The following HECTD2 variants were observed in gnomAD, a reference collection of about 807,000 sequenced individuals.
The protein encoded by HECTD2 is HECT domain E3 ubiquitin protein ligase 2.
A neutral mutation model predicts 103.2 loss-of-function variants in HECTD2; 35 were observed. The observed-to-expected ratio is 0.34, with a 90% confidence interval of 0.26 to 0.45. The LOEUF is 0.45. Among genes scored for constraint, HECTD2 ranks in the 20% least tolerant of loss-of-function variants. The pLI is 1.00. For missense variants in HECTD2, 596 were observed against 937.4 expected, an observed-to-expected ratio of 0.64 and a Z score of 4.76; for synonymous variants, 281 against 329.9, an observed-to-expected ratio of 0.85 and a Z score of 1.61.
At chr10:91,457,059 T>C (rs1010078196) in intron 2 of HECTD2, among the ~76,000 whole-genome samples, 2 of 152,076 alleles carry the variant, frequency 1.3e-5, no homozygotes, top group African/African-American at 4.8e-5. Context: ...TCTACACACA[T>C]AAATTACAGA....
intron 1 of HECTD2, among the ~76,000 whole-genome samples, chr10:91,415,587 A>G (rs1159345132): frequency 6.6e-6 from 1 of 152,166 alleles, no homozygotes; most frequent in Non-Finnish European, 1.5e-5. Context: ...TAAGGAGTAA[A>G]ATGGCTAGTC....
chr10:91,492,104 A>G (rs961853211), intron 12 of HECTD2, among the ~76,000 whole-genome samples: 6 of 152,210 alleles, frequency 3.9e-5, no homozygotes, highest in African/African-American at 1.4e-4. Context: ...ATTTGAAGGC[A>G]GTAGATACCA....
chr10:91,470,843 C>T (rs916346497), intron 5 of HECTD2, among the ~76,000 whole-genome samples: 4 of 152,108 alleles, frequency 2.6e-5, no homozygotes, highest in African/African-American at 9.7e-5. Flanking sequence ...CGGCCGAATT[C>T]TACCAGATGT....
chr10:91,438,517 T>C (rs1220529923), intron 2 of HECTD2, among the ~76,000 whole-genome samples: 4 of 148,038 alleles, frequency 2.7e-5, no homozygotes, highest in Admixed American at 6.6e-5. Flanking sequence ...GTCTTTGCTA[T>C]TGCGAACAGT....
At chr10:91,414,799 G>A (rs1432999041) in intron 1 of HECTD2, among the ~76,000 whole-genome samples, 1 of 152,228 alleles carries the variant, frequency 6.6e-6, no homozygotes, top group East Asian at 1.9e-4. Flanking sequence ...AGCGAGCCCA[G>A]TGGAAGCATG....
At chr10:91,465,851 T>C (rs991419771) in intron 5 of HECTD2, among the ~76,000 whole-genome samples, 1 of 152,122 alleles carries the variant, frequency 6.6e-6, no homozygotes, top group South Asian at 2.1e-4. Flanking sequence ...TTGTTGAGGA[T>C]TTTTTTGCAT....
intron 15 of HECTD2, 71 bp from the exon 16 acceptor site, chr10:91,498,037 A>C: frequency 9.9e-7 from 1 of 1,011,452 alleles, no homozygotes; most frequent in Non-Finnish European, 1.6e-6. Flanking sequence ...CATGAGCTAT[A>C]GAAAAGCCAC....
At chr10:91,481,253 T>C (rs1018426423) in intron 7 of HECTD2, 114 bp downstream of exon 7, 5 of 486,890 alleles carry the variant, frequency 1.0e-5, no homozygotes, top group African/African-American at 1.0e-4. Flanking sequence ...ATTGATTCTT[T>C]TTAGAATTAT....
intron 1 of HECTD2, among the ~76,000 whole-genome samples, chr10:91,424,144 G>A (rs1843464719): frequency 6.6e-6 from 1 of 152,104 alleles, no homozygotes; most frequent in East Asian, 1.9e-4. Flanking sequence ...CTGGATGGTT[G>A]CCACAGTCGA....
intron 1 of HECTD2, among the ~76,000 whole-genome samples, chr10:91,411,244 G>C (rs1670306009): frequency 6.6e-6 from 1 of 152,130 alleles, no homozygotes; most frequent in South Asian, 2.1e-4. Flanking sequence ...TATTTGGAGA[G>C]CGCTGTCAGG....
intron 2 of HECTD2, among the ~76,000 whole-genome samples, chr10:91,434,817 A>G (rs1844047845): frequency 6.6e-6 from 1 of 152,026 alleles, no homozygotes; most frequent in Non-Finnish European, 1.5e-5. Context: ...ACAATCCTAG[A>G]AAATTTATTT....
intron 5 of HECTD2, among the ~76,000 whole-genome samples, chr10:91,469,703 G>T (rs923564883): frequency 6.6e-6 from 1 of 152,126 alleles, no homozygotes; most frequent in Non-Finnish European, 1.5e-5. Flanking sequence ...AATCAAGTCT[G>T]CATAATAACC....
At position 91,425,403 on chromosome 10, in the gene HECTD2, C is replaced by T; in HGVS notation, c.261C>T (p.Ile87=). The T allele has an allele frequency of 6.5e-7, 1 of 1,531,154 alleles. No homozygotes were observed. The highest frequency in any genetic ancestry group is 8.8e-7 in the Non-Finnish European group (1 of 1,136,648). The allele number at this position is 1,531,154 out of a possible 1,614,324, so 94.8% of individuals were successfully genotyped here. ...SSPAHLVFPN[I]KNVREPPPIC... ...CTGCACATCTTGTTTTCCCTAACAT[C>T]AAGAATGGTAAATAATTTTTAAATA... is the stretch of plus-strand genomic sequence containing the variant. Residue 87 remains isoleucine, a synonymous_variant, in exon 2 of 21, where the codon ATC becomes ATT. Transcript: ENST00000298068.
chr10:91,423,007 TG>T (rs931061558), intron 1 of HECTD2, among the ~76,000 whole-genome samples: 4 of 152,180 alleles, frequency 2.6e-5, no homozygotes, highest in African/African-American at 9.6e-5. Flanking sequence ...TTAGTTGTTC[TG>T]CTTATGTAAT....
intron 5 of HECTD2, among the ~76,000 whole-genome samples, chr10:91,473,211 A>G (rs1439946420): frequency 6.6e-6 from 1 of 152,232 alleles, no homozygotes; most frequent in Non-Finnish European, 1.5e-5. Flanking sequence ...CTTATAAGTA[A>G]TCAAAGGGAA....
intron 20 of HECTD2, among the ~76,000 whole-genome samples, chr10:91,502,533 T>TAA (rs901045145): frequency 6.6e-6 from 1 of 152,196 alleles, no homozygotes; most frequent in Non-Finnish European, 1.5e-5. Flanking sequence ...TCACACATGG[T>TAA]AAGTGCCCAA....
At chr10:91,511,229 G>GGAAA (rs1847407509) in intron 20 of HECTD2, among the ~76,000 whole-genome samples, 1 of 152,182 alleles carries the variant, frequency 6.6e-6, no homozygotes, top group Non-Finnish European at 1.5e-5. Flanking sequence ...AAAGACTGAA[G>GGAAA]GAAAGAGTCT....
chr10:91,430,825 C>G (rs1843827730), intron 2 of HECTD2, among the ~76,000 whole-genome samples: 2 of 151,930 alleles, frequency 1.3e-5, no homozygotes, highest in Admixed American at 6.5e-5. Flanking sequence ...GGTCTTGACT[C>G]TTTATCCAGT....
rs567765493 is a variant in HECTD2, at chr10:91,510,064, G to A, written c.2211-2200G>A. Among the ~76,000 whole-genome samples the A allele has an allele frequency of 7.2e-5, 11 of 152,210 alleles. 1 individual carries two copies. The South Asian group carries it at 1.7e-3, about 23-fold the overall frequency. On this transcript the variant is annotated intron_variant, in intron 20 of 20. Transcript: ENST00000298068. ...GCCAAAAAATGAAGACATATAATGG[G>A]CACAATAAGCCAGTGCAGGATTTCA... is the stretch of plus-strand genomic sequence containing the variant.
Sources: allele counts gnomAD v4.1 joint callset (sites outside exome capture counted in the v4.1 genomes callset), GRCh38; gene constraint gnomAD v4.1.1; transcripts MANE v1.5; gene names NCBI Gene and HGNC (gene_info 2026-07-23, HGNC 2026-07-21).